TMEM232: variants seen among roughly 807,000 people sequenced by gnomAD.
TMEM232 encodes the protein transmembrane protein 232.
Under a neutral mutation model 78.8 loss-of-function variants are expected in TMEM232, and 80 were observed. That is an observed-to-expected ratio of 1.01 (90% confidence interval 0.85 to 1.22). The LOEUF (loss-of-function observed/expected upper bound fraction) is 1.22. Among genes scored for constraint, TMEM232 ranks in the 50% most tolerant of loss-of-function variants. The pLI is 0.00. For missense variants in TMEM232, 881 were observed against 742.2 expected, an observed-to-expected ratio of 1.19 and a Z score of -2.17; for synonymous variants, 297 against 254.3, an observed-to-expected ratio of 1.17 and a Z score of -1.60.
intron 11 of TMEM232, among the ~76,000 whole-genome samples, chr5:110,557,624 G>C (rs556846941): frequency 3.6e-4 from 55 of 152,256 alleles, no homozygotes; most frequent in African/African-American, 1.3e-3. Flanking sequence ...AGGGGAAGCA[G>C]GTATATCTTA....
chr5:110,541,236 A>G (rs1773070753), intron 11 of TMEM232, among the ~76,000 whole-genome samples: 1 of 152,164 alleles, frequency 6.6e-6, no homozygotes, highest in South Asian at 2.1e-4. Flanking sequence ...CAGGTCTGTC[A>G]AGCCTGCTCA....
intron 11 of TMEM232, among the ~76,000 whole-genome samples, chr5:110,544,711 A>G (rs183003269): frequency 2.0e-5 from 3 of 152,090 alleles, no homozygotes; most frequent in Admixed American, 2.0e-4. Context: ...TTTTTCTTAA[A>G]TGTTTTTCAA....
intron 8 of TMEM232, among the ~76,000 whole-genome samples, chr5:110,613,727 G>A (rs1349050541): frequency 5.9e-5 from 9 of 151,914 alleles, no homozygotes; most frequent in African/African-American, 1.7e-4. Context: ...TAGTATCTTA[G>A]GAGTACATAA....
intron 10 of TMEM232, among the ~76,000 whole-genome samples, chr5:110,577,281 C>A (rs1163946896): frequency 1.3e-5 from 2 of 152,104 alleles, no homozygotes; most frequent in African/African-American, 4.8e-5. Context: ...AAAAGCTCAA[C>A]ATTACTGATC....
At chr5:110,669,750 G>A (rs1791111498) in intron 1 of TMEM232, among the ~76,000 whole-genome samples, 2 of 152,128 alleles carry the variant, frequency 1.3e-5, no homozygotes, top group African/African-American at 4.8e-5. Flanking sequence ...CTGGCAAACT[G>A]AATCCAGCAG....
intron 12 of TMEM232, among the ~76,000 whole-genome samples, chr5:110,467,627 C>A (rs1762223221): frequency 6.6e-6 from 1 of 152,006 alleles, no homozygotes; most frequent in African/African-American, 2.4e-5. Flanking sequence ...AAAATTTACG[C>A]CTATATACAT....
At chr5:110,599,803 T>C (rs1780667321) in intron 10 of TMEM232, among the ~76,000 whole-genome samples, 1 of 152,168 alleles carries the variant, frequency 6.6e-6, no homozygotes, top group African/African-American at 2.4e-5. Context: ...AACTCAGCTC[T>C]GGACCAAGTG....
chr5:110,455,309 T>C (rs925152186), intron 12 of TMEM232, among the ~76,000 whole-genome samples: 2 of 152,030 alleles, frequency 1.3e-5, no homozygotes, highest in African/African-American at 4.8e-5. Flanking sequence ...TGCCCTGATA[T>C]TAAAACAAAC....
chr5:110,463,574 C>A (rs1034274265), intron 12 of TMEM232, among the ~76,000 whole-genome samples: 1 of 152,132 alleles, frequency 6.6e-6, no homozygotes, highest in Non-Finnish European at 1.5e-5. Flanking sequence ...ATATATTATT[C>A]TTAATCATTT....
chr5:110,593,086 T>A (rs1779722521), intron 10 of TMEM232, among the ~76,000 whole-genome samples: 1 of 152,132 alleles, frequency 6.6e-6, no homozygotes, highest in South Asian at 2.1e-4. Flanking sequence ...GAGAAAACAA[T>A]GACCAAGAAT....
chr5:110,727,437 C>T (rs909335720), upstream of TMEM232, among the ~76,000 whole-genome samples: 1 of 152,030 alleles, frequency 6.6e-6, no homozygotes, highest in Non-Finnish European at 1.5e-5. Context: ...TGGTGAAACC[C>T]GTCTCTACTA....
At chr5:110,611,897 T>C (rs1782335566) in intron 8 of TMEM232, among the ~76,000 whole-genome samples, 1 of 152,088 alleles carries the variant, frequency 6.6e-6, no homozygotes, top group African/African-American at 2.4e-5. Flanking sequence ...TTAATGTACA[T>C]ACAACACCGT....
chr5:110,463,252 AAAAG>A (rs1298315975), intron 12 of TMEM232, among the ~76,000 whole-genome samples: 1 of 152,208 alleles, frequency 6.6e-6, no homozygotes, highest in African/African-American at 2.4e-5. Flanking sequence ...TCCACCAGCA[AAAAG>A]AAAGACGGTG....
intron 12 of TMEM232, among the ~76,000 whole-genome samples, chr5:110,436,590 G>A (rs902464675): frequency 6.6e-6 from 1 of 151,992 alleles, no homozygotes; most frequent in African/African-American, 2.4e-5. Flanking sequence ...ATAGTTTGAG[G>A]TACTAGACTT....
intron 8 of TMEM232, among the ~76,000 whole-genome samples, chr5:110,617,461 G>T (rs1783086394): frequency 1.3e-5 from 2 of 151,872 alleles, no homozygotes. Flanking sequence ...TGAGGTGATG[G>T]ATATGTTAAT....
At chr5:110,461,212 TA>T (rs1371585437) in intron 12 of TMEM232, among the ~76,000 whole-genome samples, 1 of 151,780 alleles carries the variant, frequency 6.6e-6, no homozygotes, top group Non-Finnish European at 1.5e-5. Context: ...GAATCGTTAT[TA>T]AAGGAAATTA....
chr5:110,496,377 A>G (rs1158403690), intron 12 of TMEM232, among the ~76,000 whole-genome samples: 1 of 152,004 alleles, frequency 6.6e-6, no homozygotes, highest in East Asian at 1.9e-4. Flanking sequence ...TTACTCATCT[A>G]GATTTTGAAA....
chr5:110,583,978 A>T (rs1778507726), intron 10 of TMEM232, among the ~76,000 whole-genome samples: 1 of 151,272 alleles, frequency 6.6e-6, no homozygotes, highest in Admixed American at 6.6e-5. Flanking sequence ...AAAAAAAAAA[A>T]AAAAAAGAAG....
intron 12 of TMEM232, among the ~76,000 whole-genome samples, chr5:110,436,669 G>C (rs1758471231): frequency 6.6e-6 from 1 of 151,996 alleles, no homozygotes; most frequent in Admixed American, 6.6e-5. Context: ...TCATTCTTCT[G>C]TATATGGATA....
Sources: allele counts gnomAD v4.1 joint callset (sites outside exome capture counted in the v4.1 genomes callset), GRCh38; gene constraint gnomAD v4.1.1; transcripts MANE v1.5; gene names NCBI Gene and HGNC (gene_info 2026-07-23, HGNC 2026-07-21).